The following HIVEP1 variants were observed in gnomAD, a reference collection of about 807,000 sequenced individuals.
HIVEP1 encodes the protein zinc finger protein 40.
HIVEP1 carries 36 observed loss-of-function variants against 180.0 expected under a neutral mutation model. The observed-to-expected ratio is 0.20, with a 90% CI of 0.15 to 0.26. HIVEP1 has a LOEUF of 0.26. Among genes scored for constraint, HIVEP1 ranks in the 10% least tolerant of loss-of-function variants. The pLI is 1.00. For synonymous variants in HIVEP1, 1,239 were observed against 1,239.0 expected, an observed-to-expected ratio of 1.00 and a Z score of 0.00; for missense variants, 3,143 against 3,268.7, an observed-to-expected ratio of 0.96 and a Z score of 0.94.
chr6:12,031,931 C>T (rs1258745034), intron 2 of HIVEP1, among the ~76,000 whole-genome samples: 1 of 152,142 alleles, frequency 6.6e-6, no homozygotes, highest in East Asian at 1.9e-4. Flanking sequence ...AGGCAGTGTC[C>T]TGGGCCCTCA....
chr6:12,162,235 AAAC>A (rs1027724430), intron 8 of HIVEP1, among the ~76,000 whole-genome samples: 14 of 151,722 alleles, frequency 9.2e-5, no homozygotes, highest in South Asian at 8.3e-4. Flanking sequence ...AAAAAAAAAA[AAAC>A]GTGACAGTGG....
chr6:12,020,473 G>A (rs374182092), intron 2 of HIVEP1: 2 of 470,894 alleles, frequency 4.2e-6, no homozygotes, highest in East Asian at 1.4e-4. Context: ...CTTACTCATC[G>A]CTGCTCTGTG....
chr6:12,033,985 A>T (rs1299453476), intron 2 of HIVEP1, among the ~76,000 whole-genome samples: 2 of 152,236 alleles, frequency 1.3e-5, no homozygotes, highest in Non-Finnish European at 2.9e-5. Flanking sequence ...CTGGTTAAAG[A>T]TTGGATGGGA....
intron 1 of HIVEP1, among the ~76,000 whole-genome samples, chr6:12,015,236 C>T (rs1030498845): frequency 1.5e-4 from 23 of 152,222 alleles, no homozygotes; most frequent in African/African-American, 5.1e-4. Context: ...CTTTTGTAGC[C>T]TGATGCGATA....
chr6:12,043,667 G>A (rs1034720477), intron 2 of HIVEP1, among the ~76,000 whole-genome samples: 6 of 152,052 alleles, frequency 3.9e-5, no homozygotes, highest in African/African-American at 1.4e-4. Context: ...GTGCCCAGCC[G>A]TGTAATTTGT....
the HIVEP1 span, among the ~76,000 whole-genome samples, chr6:12,198,689 T>G: frequency 8.8e-4 from 134 of 152,244 alleles, no homozygotes; most frequent in Middle Eastern, 3.4e-3. Context: ...GAGATTTAAA[T>G]AGTGATTAAG....
Position 12,164,161 on chromosome 6 carries a change from C to T in HIVEP1, c.7857C>T (p.Ala2619=). The change falls in exon 9 of 9, where the codon GCC becomes GCT. Residue 2619 remains alanine, a synonymous_variant. Transcript: ENST00000379388. ...ENAKKVLNPP[A]PAGDHARLDG... is the part of the protein sequence containing the mutation. Reference sequence around the variant, plus strand: ...CAAAAAAAGTTCTGAATCCACCTGCCCCTGCAGGTGACCATGCAAGGCTTG... The same window carrying T: ...CAAAAAAAGTTCTGAATCCACCTGCTCCTGCAGGTGACCATGCAAGGCTTG... 6.2e-7 allele frequency: 1 copy of T among 1,614,120 alleles called. No homozygotes were observed. The highest frequency in any genetic ancestry group is 8.5e-7 in the Non-Finnish European group (1 of 1,180,018).
chr6:12,151,564 G>C (rs1004253580), intron 7 of HIVEP1, among the ~76,000 whole-genome samples: 1 of 152,186 alleles, frequency 6.6e-6, no homozygotes, highest in Non-Finnish European at 1.5e-5. Flanking sequence ...ATCATATACA[G>C]TACAAGCGTC....
At chr6:12,046,697 T>G (rs942715206) in intron 2 of HIVEP1, among the ~76,000 whole-genome samples, 5 of 151,780 alleles carry the variant, frequency 3.3e-5, no homozygotes, top group Admixed American at 6.6e-5. Flanking sequence ...GAGAATCACT[T>G]GAACCCAGGA....
chr6:12,052,642 CTTGGAGAG>C (rs1770614767), intron 2 of HIVEP1, among the ~76,000 whole-genome samples: 1 of 152,186 alleles, frequency 6.6e-6, no homozygotes, highest in African/African-American at 2.4e-5. Flanking sequence ...GAGGCTGAGA[CTTGGAGAG>C]TTGGAGTCTC....
intron 2 of HIVEP1, among the ~76,000 whole-genome samples, chr6:12,018,824 C>T (rs1038154930): frequency 1.4e-4 from 21 of 152,140 alleles, no homozygotes; most frequent in Non-Finnish European, 2.4e-4. Flanking sequence ...AAGAAGTTCT[C>T]TTCAGGAGGG....
At chr6:12,110,688 C>G (rs116373433) in intron 3 of HIVEP1, among the ~76,000 whole-genome samples, 2,322 of 152,288 alleles carry the variant, frequency 0.015, 24 homozygotes, top group Middle Eastern at 0.058. Context: ...CTAAAATTTT[C>G]TTCATATCAG....
intron 2 of HIVEP1, among the ~76,000 whole-genome samples, chr6:12,046,544 G>A (rs889114925): frequency 6.6e-6 from 1 of 152,144 alleles, no homozygotes; most frequent in Non-Finnish European, 1.5e-5. Flanking sequence ...ACTTTGGGAG[G>A]CTGAGGTGGG....
chr6:12,008,238 AG>A (rs1200545701), upstream of HIVEP1: 2 of 152,220 alleles, frequency 1.3e-5, no homozygotes, highest in Non-Finnish European at 2.9e-5. Flanking sequence ...AGCATGTTAT[AG>A]AATTTGTTGC....
chr6:12,062,709 A>G (rs1017573251), intron 2 of HIVEP1, among the ~76,000 whole-genome samples: 1 of 152,234 alleles, frequency 6.6e-6, no homozygotes, highest in Non-Finnish European at 1.5e-5. Context: ...CACCCATTAC[A>G]GATGAGGTAA....
At position 12,125,546 on chromosome 6, in the gene HIVEP1, C is replaced by T. The variant is rs1460975481; in HGVS notation, c.5751C>T (p.Val1917=). Residue 1917 remains valine, a synonymous_variant, in exon 4 of 9, where the codon GTC becomes GTT. Transcript: ENST00000379388. ...VNIQEQSQQP[V]TSLSLFNIKD... ...TCCAAGAGCAAAGTCAACAGCCAGTCACTTCTCTTTCATTGTTTAACATCA... is the reference window on the plus strand; with the variant it reads ...TCCAAGAGCAAAGTCAACAGCCAGTTACTTCTCTTTCATTGTTTAACATCA... 1.2e-6 allele frequency: 2 copies of T among 1,614,024 alleles called. No individual in the cohort carries two copies. The highest frequency in any genetic ancestry group is 1.3e-5 in the African/African-American group (1 of 74,904).
downstream of HIVEP1, among the ~76,000 whole-genome samples, chr6:12,168,899 G>A (rs1760829450): frequency 1.3e-5 from 2 of 152,002 alleles, no homozygotes; most frequent in Admixed American, 6.6e-5. Flanking sequence ...TTTTGTCGTT[G>A]TTGTTGTTGA....
In HIVEP1 at chr6:12,123,460, A is replaced by C; in HGVS notation, c.3665A>C (p.Gln1222Pro). 6.2e-7 allele frequency: 1 copy of C among 1,614,224 alleles called. No homozygotes were observed. The highest frequency in any genetic ancestry group is 8.5e-7 in the Non-Finnish European group (1 of 1,180,034). ...CCAAGTGAACGACATGTGTTAGGAC[A>C]GCCCTCAAGACTTGTCCGGCAGCAC... ...KSPSERHVLG[Q>P]PSRLVRQHNI... The change falls in exon 4 of 9, where the codon CAG (glutamine) becomes CCG (proline). Residue 1222 changes from glutamine (Q) to proline (P), a missense_variant. Coordinates refer to ENST00000379388, the MANE Select transcript of HIVEP1 (RefSeq NM_002114.4).
At chr6:12,169,342 C>A (rs1325237370), downstream of HIVEP1, among the ~76,000 whole-genome samples, 1 of 152,106 alleles carries the variant, frequency 6.6e-6, no homozygotes, top group Non-Finnish European at 1.5e-5. Context: ...TTATCTGGAA[C>A]CTTGCTTATA....
Sources: allele counts gnomAD v4.1 joint callset (sites outside exome capture counted in the v4.1 genomes callset), GRCh38; gene constraint gnomAD v4.1.1; transcripts MANE v1.5; gene names NCBI Gene and HGNC (gene_info 2026-07-23, HGNC 2026-07-21).